The following ZDHHC21 variants were observed in gnomAD, a reference collection of about 807,000 sequenced individuals.
ZDHHC21 encodes zDHHC palmitoyltransferase 21, also known as palmitoyltransferase ZDHHC21.
Under a neutral mutation model 34.6 loss-of-function variants are expected in ZDHHC21, and 15 were observed. The observed-to-expected ratio is 0.43, with a 90% CI of 0.29 to 0.67. The LOEUF (loss-of-function observed/expected upper bound fraction) is 0.67. Ranked by LOEUF, ZDHHC21 falls within the 30% of genes least tolerant of loss-of-function variation. The pLI is 0.14. For missense variants in ZDHHC21, 344 were observed against 327.7 expected, an observed-to-expected ratio of 1.05 and a Z score of -0.38; for synonymous variants, 142 against 101.8, an observed-to-expected ratio of 1.40 and a Z score of -2.38.
At chr9:14,631,289 T>G (rs1827299705) in intron 8 of ZDHHC21, among the ~76,000 whole-genome samples, 1 of 152,226 alleles carries the variant, frequency 6.6e-6, no homozygotes, top group Admixed American at 6.5e-5. Context: ...CCTTAAGCCT[T>G]AAGAACAAAC....
At position 14,618,527 on chromosome 9, in the gene ZDHHC21, C is replaced by T. The variant is rs538887776; in HGVS notation, c.*439G>A. On this transcript the variant is annotated 3_prime_UTR_variant, in exon 10 of 10. Coordinates refer to ENST00000380916, the MANE Select transcript of ZDHHC21 (RefSeq NM_178566.6). ...ATTTGAAAAAGAAAATTTACCTATACTATAAGAAGGTGTATCAACTTTTGT... is the reference window on the plus strand; with the variant it reads ...ATTTGAAAAAGAAAATTTACCTATATTATAAGAAGGTGTATCAACTTTTGT... 2 of 152,610 alleles carry T rather than the reference C, an allele frequency of 1.3e-5. No homozygotes were observed. The highest frequency in any genetic ancestry group is 4.2e-4 in the South Asian group (2 of 4,728). 9.5% of individuals were successfully genotyped at this position (152,610 alleles called of 1,614,324 possible). A position where few individuals can be genotyped will look rare whatever the true frequency, so the allele number is the denominator to read the frequency against.
At chr9:14,663,410 A>C (rs918365665) in intron 5 of ZDHHC21, among the ~76,000 whole-genome samples, 78 of 152,216 alleles carry the variant, frequency 5.1e-4, no homozygotes, top group African/African-American at 1.8e-3. Flanking sequence ...GAAAAGTCTA[A>C]AATCAAAAAA....
rs1835049914 is a variant in ZDHHC21, at chr9:14,669,359, G to A, written c.253+3471C>T. Among the ~76,000 whole-genome samples, 3 of 137,068 alleles carry A rather than the reference G, an allele frequency of 2.2e-5. No individual in the cohort carries two copies. The South Asian group carries it at 7.3e-4, about 33-fold the overall frequency. 89.9% of individuals were successfully genotyped at this position (137,068 alleles called of 152,430 possible). A position where few individuals can be genotyped will look rare whatever the true frequency, so the allele number is the denominator to read the frequency against. On this transcript the variant is annotated intron_variant, in intron 5 of 9. Transcript: ENST00000380916. Reference sequence around the variant, plus strand: ...ATTAAAAAGTCAGGAAACAACAGGTGCTGGAGAGGATGTGGAGAAATAGGA... The same window carrying A: ...ATTAAAAAGTCAGGAAACAACAGGTACTGGAGAGGATGTGGAGAAATAGGA...
rs1463786772 is a variant in ZDHHC21 at position 14,617,172 on chromosome 9, C to A, written c.*1794G>T. 1 of 151,936 alleles carries A rather than the reference C, an allele frequency of 6.6e-6. No individual in the cohort carries two copies. Among genetic ancestry groups the A allele is most frequent in the South Asian group, 2.1e-4 (1 of 4,834 alleles). 9.4% of individuals were successfully genotyped at this position (151,936 alleles called of 1,614,324 possible). On this transcript the variant is annotated 3_prime_UTR_variant, in exon 10 of 10. Transcript: ENST00000380916. Reference sequence around the variant, plus strand: ...GTGGCCAAATTAGCTTGCACAAAATCCAAACCCTTGTGCCTGACATGAACA... The same window carrying A: ...GTGGCCAAATTAGCTTGCACAAAATACAAACCCTTGTGCCTGACATGAACA...
intron 7 of ZDHHC21, among the ~76,000 whole-genome samples, chr9:14,649,595 T>C (rs1341372592): frequency 2.0e-5 from 3 of 152,094 alleles, no homozygotes; most frequent in Admixed American, 6.6e-5. Context: ...TTTCTCAGTC[T>C]TATTACATCC....
intron 7 of ZDHHC21, among the ~76,000 whole-genome samples, chr9:14,655,191 A>C (rs1831966069): frequency 6.6e-6 from 1 of 152,072 alleles, no homozygotes; most frequent in African/African-American, 2.4e-5. Flanking sequence ...TGGAAACCAT[A>C]AGACAATGGA....
At chr9:14,637,595 C>T (rs1388444943) in intron 8 of ZDHHC21, among the ~76,000 whole-genome samples, 1 of 151,876 alleles carries the variant, frequency 6.6e-6, no homozygotes, top group Non-Finnish European at 1.5e-5. Flanking sequence ...CCATCTATGG[C>T]CTTTTGTGTT....
At chr9:14,687,752 G>T (rs1838555433) in intron 2 of ZDHHC21, among the ~76,000 whole-genome samples, 2 of 150,844 alleles carry the variant, frequency 1.3e-5, no homozygotes, top group South Asian at 4.1e-4. Context: ...CAATTTCAAA[G>T]TTTCAAAACT....
intron 5 of ZDHHC21, among the ~76,000 whole-genome samples, chr9:14,666,588 C>T (rs1468239870): frequency 9.4e-6 from 1 of 106,174 alleles, no homozygotes; most frequent in African/African-American, 3.1e-5. Flanking sequence ...AAATTGACCA[C>T]ATAGTAGGAA....
In ZDHHC21 at chr9:14,615,438, T is replaced by C. The variant is rs146228068; in HGVS notation, c.*3528A>G. On this transcript the variant is annotated 3_prime_UTR_variant, in exon 10 of 10. Transcript: ENST00000380916. ...ATGTTCTCTATTTCATTATTAAAAA[T>C]AAACCATGCTTTTTTTCTGAAAAAG... 113 of 151,886 alleles carry C rather than the reference T, an allele frequency of 7.4e-4. No individual in the cohort carries two copies. The highest frequency in any genetic ancestry group is 2.6e-3 in the African/African-American group (110 of 41,540). 9.4% of individuals were successfully genotyped at this position (151,886 alleles called of 1,614,324 possible).
At chr9:14,684,777 G>A (rs573419242) in intron 2 of ZDHHC21, among the ~76,000 whole-genome samples, 75 of 152,192 alleles carry the variant, frequency 4.9e-4, no homozygotes, top group African/African-American at 1.6e-3. Context: ...AAAGCTGGAG[G>A]CATCACGCTA....
intron 3 of ZDHHC21, 57 bp from the exon 4 acceptor site, chr9:14,674,442 T>A (rs1319955679): frequency 5.1e-6 from 6 of 1,167,578 alleles, no homozygotes; most frequent in Non-Finnish European, 7.1e-6. Flanking sequence ...GACTAAAACC[T>A]GTATTTCTGG....
At chr9:14,622,376 T>C (rs893193043) in intron 8 of ZDHHC21, among the ~76,000 whole-genome samples, 2 of 151,078 alleles carry the variant, frequency 1.3e-5, no homozygotes, top group African/African-American at 4.9e-5. Context: ...CTATTACCAC[T>C]GTATCCTAAG....
Position 14,666,558 on chromosome 9 carries a change from A to C in ZDHHC21, c.254-4232T>G, listed in dbSNP as rs1834480632. 2.0e-5 allele frequency among the ~76,000 whole-genome samples: 2 copies of C among 102,414 alleles called. 1 individual carries two copies. The allele number at this position is 102,414 out of a possible 152,430, so 67.2% of individuals were successfully genotyped here. Reference sequence around the variant, plus strand: ...CAACAGAATATACATTTTTTTCAGCACCACACCACACCTATTCCAAAATTG... The same window carrying C: ...CAACAGAATATACATTTTTTTCAGCCCCACACCACACCTATTCCAAAATTG... On this transcript the variant is annotated intron_variant, in intron 5 of 9. Transcript: ENST00000380916.
At chr9:14,604,803 TATACAAC>T in the ZDHHC21 span, among the ~76,000 whole-genome samples, 2 of 152,152 alleles carry the variant, frequency 1.3e-5, no homozygotes, top group African/African-American at 4.8e-5. Context: ...AGCATAATGT[TATACAAC>T]AGAGCTCTAG....
At chr9:14,619,439 T>C (rs1824870344) in intron 9 of ZDHHC21, among the ~76,000 whole-genome samples, 200 bp downstream of exon 9, 1 of 152,114 alleles carries the variant, frequency 6.6e-6, no homozygotes, top group Non-Finnish European at 1.5e-5. Context: ...ACAAGAATGA[T>C]CAGCATTTTA....
intron 2 of ZDHHC21, among the ~76,000 whole-genome samples, chr9:14,687,635 C>T (rs1281939473): frequency 6.6e-6 from 1 of 150,870 alleles, no homozygotes; most frequent in Non-Finnish European, 1.5e-5. Context: ...CAGAAATCAT[C>T]GTGCCACTGC....
chr9:14,670,475 G>A (rs1038692956), intron 5 of ZDHHC21, among the ~76,000 whole-genome samples: 2 of 152,040 alleles, frequency 1.3e-5, no homozygotes, highest in African/African-American at 4.8e-5. Context: ...AAAGTTTGAT[G>A]TACCCATCAT....
chr9:14,672,103 T>C (rs1360418421), intron 5 of ZDHHC21, among the ~76,000 whole-genome samples: 1 of 152,124 alleles, frequency 6.6e-6, no homozygotes, highest in Non-Finnish European at 1.5e-5. Context: ...CTGAAGTCAT[T>C]GTGTTTTAAA....
Sources: gnomAD v4.1 joint callset for allele counts (sites outside exome capture counted in the v4.1 genomes callset) on GRCh38, gnomAD v4.1.1 for gene constraint, MANE v1.5 for transcripts, NCBI Gene and HGNC (gene_info 2026-07-23, HGNC 2026-07-21) for gene names.